Variants in AK9 observed in about 807,000 individuals in gnomAD.
AK9 encodes adenylate kinase domain containing 1.
A neutral mutation model predicts 239.6 loss-of-function variants in AK9; 191 were observed. That is an observed-to-expected ratio of 0.80 (90% confidence interval 0.71 to 0.90). The LOEUF (loss-of-function observed/expected upper bound fraction) is 0.90, where lower values mean the gene tolerates loss of function less well. Among genes scored for constraint, AK9 ranks in the 40% least tolerant of loss-of-function variants. The probability of loss-of-function intolerance (pLI) is 0.00; values close to 1 mark genes in which losing one functional copy is unlikely to be tolerated. For missense variants in AK9, 1,995 were observed against 2,214.7 expected, an observed-to-expected ratio of 0.90 and a Z score of 1.99; for synonymous variants, 689 against 721.0, an observed-to-expected ratio of 0.96 and a Z score of 0.71.
intron 8 of AK9, among the ~76,000 whole-genome samples, chr6:109,647,645 C>T (rs1342047317): frequency 6.6e-6 from 1 of 152,168 alleles, no homozygotes; most frequent in African/African-American, 2.4e-5. Context: ...TAATGGGAGA[C>T]TTTAACACCC....
At chr6:109,677,665 C>T (rs1309848906) in intron 1 of AK9, among the ~76,000 whole-genome samples, 1 of 152,000 alleles carries the variant, frequency 6.6e-6, no homozygotes, top group East Asian at 1.9e-4. Context: ...ATTGGCTATG[C>T]ATAAATAACT....
At chr6:109,677,263 A>G (rs1205093625) in intron 1 of AK9, among the ~76,000 whole-genome samples, 2 of 152,170 alleles carry the variant, frequency 1.3e-5, no homozygotes, top group African/African-American at 4.8e-5. Flanking sequence ...AAATAAAATG[A>G]TATAGCAAAA....
rs969780217 is a variant in AK9, at chr6:109,515,176, G to T, written c.4065+681C>A. ...GTGGTATTTTGTAACGGCAGCCAGA[G>T]ATGACTAATACGATTGGGTTCTTGG... On this transcript the variant is annotated intron_variant, in intron 31 of 40. Coordinates refer to ENST00000424296, the MANE Select transcript of AK9 (RefSeq NM_001145128.3). 2.6e-5 allele frequency among the ~76,000 whole-genome samples: 4 copies of T among 152,342 alleles called. No individual in the cohort carries two copies. In the East Asian group the frequency reaches 7.7e-4, roughly 29 times the overall value.
intron 20 of AK9, among the ~76,000 whole-genome samples, chr6:109,576,211 A>T (rs907320093): frequency 2.0e-5 from 3 of 151,892 alleles, no homozygotes; most frequent in African/African-American, 7.2e-5. Flanking sequence ...GTGAAGAATA[A>T]TGATGGTATT....
chr6:109,498,905 C>T, intron 36 of AK9, 139 bp downstream of exon 36: 1 of 640,332 alleles, frequency 1.6e-6, no homozygotes. Flanking sequence ...TGAGTTGCTT[C>T]ACTGGTCCCA....
chr6:109,610,296 C>T (rs1319080457), intron 17 of AK9, 69 bp downstream of exon 17: 2 of 1,467,988 alleles, frequency 1.4e-6, no homozygotes, highest in Non-Finnish European at 9.2e-7. Flanking sequence ...TAATTACACA[C>T]ATATTAGATT....
At chr6:109,581,774 A>G (rs909571968) in intron 19 of AK9, among the ~76,000 whole-genome samples, 1 of 152,226 alleles carries the variant, frequency 6.6e-6, no homozygotes, top group African/African-American at 2.4e-5. Flanking sequence ...ACTAAACAAC[A>G]GATTTTTCAA....
chr6:109,680,526 ACT>A (rs1344031729), intron 1 of AK9, among the ~76,000 whole-genome samples: 2 of 152,190 alleles, frequency 1.3e-5, no homozygotes, highest in East Asian at 3.8e-4. Flanking sequence ...GTTGGAAAAC[ACT>A]CTTCAGTACA....
chr6:109,563,764 T>G (rs998394596), intron 23 of AK9, 52 bp from the exon 24 acceptor site: 1 of 1,504,610 alleles, frequency 6.6e-7, no homozygotes. Flanking sequence ...AAAAGGTTAT[T>G]AGCATATTAC....
intron 1 of AK9, among the ~76,000 whole-genome samples, chr6:109,676,604 A>G (rs1771791164): frequency 6.6e-6 from 1 of 152,134 alleles, no homozygotes; most frequent in Non-Finnish European, 1.5e-5. Flanking sequence ...TAGTGATAAA[A>G]GTATTTTTAA....
In AK9 at chr6:109,597,604, C is replaced by T. The variant is rs577970684; in HGVS notation, c.1843-11532G>A. On this transcript the variant is annotated intron_variant, in intron 17 of 40. Coordinates refer to ENST00000424296, the MANE Select transcript of AK9 (RefSeq NM_001145128.3). ...AGGAGAATGGTGTGAACCTGGGAGG[C>T]GGAGCTTGCAGTGAGCCGAGATGGC... Among the ~76,000 whole-genome samples, 263 of 152,110 alleles carry T rather than the reference C, an allele frequency of 1.7e-3. 1 individual carries two copies. Among genetic ancestry groups the T allele is most frequent in the Admixed American group, 3.5e-3 (53 of 15,270 alleles).
chr6:109,661,296 T>G (rs1424454291), intron 6 of AK9, among the ~76,000 whole-genome samples: 1 of 152,214 alleles, frequency 6.6e-6, no homozygotes, highest in Non-Finnish European at 1.5e-5. Context: ...CTAAGGTATT[T>G]CTCTCATTCT....
Position 109,506,552 on chromosome 6 carries a change from T to C in AK9, c.4629-5A>G, listed in dbSNP as rs1375707294. The C allele has an allele frequency of 1.9e-6, 3 of 1,569,476 alleles. No homozygotes were observed. Among genetic ancestry groups the C allele is most frequent in the Non-Finnish European group, 1.7e-6 (2 of 1,154,006 alleles). On this transcript the variant is annotated splice_polypyrimidine_tract_variant and splice_region_variant and intron_variant, in intron 34 of 40. Transcript: ENST00000424296. ...TTGTGCAATGGATAAGGCAATCTAA[T>C]AGGGAAACAGAGAAGGAATGGAAAA...
chr6:109,516,316 A>G, intron 30 of AK9, 114 bp downstream of exon 30: 1 of 979,014 alleles, frequency 1.0e-6, no homozygotes, highest in Non-Finnish European at 1.5e-6. Flanking sequence ...AAGGAAATAC[A>G]GCCCTAAAAT....
At chr6:109,676,135 G>A (rs1583543612) in intron 1 of AK9, among the ~76,000 whole-genome samples, 1 of 151,976 alleles carries the variant, frequency 6.6e-6, no homozygotes, top group South Asian at 2.1e-4. Context: ...AGGTAATGTT[G>A]GCTAAATGTA....
chr6:109,550,532 G>C, intron 24 of AK9: 1 of 372,286 alleles, frequency 2.7e-6, no homozygotes. Context: ...AAGCAGCACT[G>C]AGAATGAAGG....
At chr6:109,512,699 G>C (rs1778877644) in intron 32 of AK9, among the ~76,000 whole-genome samples, 2 of 151,040 alleles carry the variant, frequency 1.3e-5, no homozygotes, top group Admixed American at 1.3e-4. Context: ...TTTCCATTCT[G>C]TTCTCATTGT....
chr6:109,517,489 C>T (rs1408474908), intron 29 of AK9, among the ~76,000 whole-genome samples: 1 of 152,158 alleles, frequency 6.6e-6, no homozygotes, highest in Non-Finnish European at 1.5e-5. Flanking sequence ...GTATAAAACA[C>T]TAGCTATCTT....
intron 20 of AK9, among the ~76,000 whole-genome samples, chr6:109,576,069 C>CT (rs1481473686): frequency 6.6e-5 from 10 of 152,260 alleles, no homozygotes; most frequent in Non-Finnish European, 1.5e-4. Flanking sequence ...GTTTTGGTAA[C>CT]TATATCCTTG....
Sources: gnomAD v4.1 joint callset for allele counts (sites outside exome capture counted in the v4.1 genomes callset) on GRCh38, gnomAD v4.1.1 for gene constraint, MANE v1.5 for transcripts, NCBI Gene and HGNC (gene_info 2026-07-23, HGNC 2026-07-21) for gene names.